The following SPPL3 variants were observed in gnomAD, a reference collection of about 807,000 sequenced individuals.
The protein encoded by SPPL3 is signal peptide peptidase-like 3.
A neutral mutation model predicts 42.4 loss-of-function variants in SPPL3; 5 were observed. The observed-to-expected ratio is 0.12, with a 90% CI of 0.06 to 0.25. The LOEUF (loss-of-function observed/expected upper bound fraction) is 0.25, where lower values mean the gene tolerates loss of function less well. Ranked by LOEUF, SPPL3 falls within the 10% of genes least tolerant of loss-of-function variation. SPPL3 has a pLI of 1.00. For synonymous variants in SPPL3, 195 were observed against 181.8 expected (o/e 1.07, Z -0.58); for missense variants, 235 against 489.0 (o/e 0.48, Z 4.90).
At chr12:120,766,106 A>G (rs753917981) in intron 10 of SPPL3, among the ~76,000 whole-genome samples, 157 bp downstream of exon 10, 3,242 of 37,074 alleles carry the variant, frequency 0.087, 58 homozygotes, top group Middle Eastern at 0.17. Flanking sequence ...GCGCGCACAC[A>G]CACACACACA....
intron 1 of SPPL3, among the ~76,000 whole-genome samples, chr12:120,832,463 G>C (rs545615094): frequency 4.8e-4 from 73 of 152,234 alleles, no homozygotes; most frequent in Non-Finnish European, 8.4e-4. Context: ...CCTGAGGTCG[G>C]GAGTTCAAGA....
At chr12:120,837,111 C>A (rs1173188045) in intron 1 of SPPL3, among the ~76,000 whole-genome samples, 1 of 152,100 alleles carries the variant, frequency 6.6e-6, no homozygotes, top group Non-Finnish European at 1.5e-5. Flanking sequence ...ATAACTGATA[C>A]AGAGCAGTAA....
At chr12:120,805,165 C>A (rs1179257221) in intron 2 of SPPL3, among the ~76,000 whole-genome samples, 1 of 152,070 alleles carries the variant, frequency 6.6e-6, no homozygotes, top group Admixed American at 6.6e-5. Flanking sequence ...GACGGCTGAA[C>A]AATTTTGTAA....
intron 1 of SPPL3, among the ~76,000 whole-genome samples, chr12:120,848,609 A>G (rs1196309192): frequency 6.6e-6 from 1 of 152,244 alleles, no homozygotes; most frequent in Admixed American, 6.5e-5. Context: ...AGTCATCTGC[A>G]TATTTTCGAT....
At chr12:120,867,543 T>C (rs769417133) in intron 1 of SPPL3, among the ~76,000 whole-genome samples, 2 of 151,872 alleles carry the variant, frequency 1.3e-5, no homozygotes, top group Non-Finnish European at 2.9e-5. Flanking sequence ...TACGTGCCTG[T>C]AGTCCCAGCT....
chr12:120,827,277 T>C (rs942783206), intron 1 of SPPL3, among the ~76,000 whole-genome samples: 1 of 150,902 alleles, frequency 6.6e-6, no homozygotes, highest in Non-Finnish European at 1.5e-5. Flanking sequence ...CAAAACTTAT[T>C]TGAAAGGCCT....
At chr12:120,802,738 T>C (rs1343470312) in intron 2 of SPPL3, among the ~76,000 whole-genome samples, 2 of 151,930 alleles carry the variant, frequency 1.3e-5, no homozygotes, top group Non-Finnish European at 2.9e-5. Context: ...CCTGGTCTGC[T>C]ACCAATATTT....
intron 1 of SPPL3, among the ~76,000 whole-genome samples, chr12:120,875,682 C>G (rs574798675): frequency 1.4e-5 from 2 of 148,082 alleles, no homozygotes; most frequent in East Asian, 2.0e-4. Context: ...TTTAAAAAGG[C>G]AGGAAAACAT....
intron 2 of SPPL3, among the ~76,000 whole-genome samples, chr12:120,797,120 T>C (rs1870124840): frequency 6.6e-6 from 1 of 152,156 alleles, no homozygotes; most frequent in Admixed American, 6.5e-5. Context: ...TGAGCCGAGA[T>C]TGTGCCACTG....
intron 2 of SPPL3, among the ~76,000 whole-genome samples, chr12:120,801,724 G>A (rs1192631584): frequency 1.3e-5 from 2 of 152,084 alleles, no homozygotes; most frequent in Non-Finnish European, 1.5e-5. Context: ...AGCTGCACAT[G>A]AGCTGTCTTA....
At chr12:120,823,996 A>G (rs1592980804) in intron 1 of SPPL3, among the ~76,000 whole-genome samples, 1 of 151,316 alleles carries the variant, frequency 6.6e-6, no homozygotes, top group Non-Finnish European at 1.5e-5. Flanking sequence ...TCAGCCTCCC[A>G]AGTAGCTGGG....
intron 1 of SPPL3, among the ~76,000 whole-genome samples, chr12:120,893,547 C>G (rs544572937): frequency 2.6e-5 from 4 of 152,086 alleles, no homozygotes; most frequent in African/African-American, 9.7e-5. Context: ...CCAGAAGATG[C>G]CTTTATTTCT....
intron 1 of SPPL3, among the ~76,000 whole-genome samples, chr12:120,859,302 T>A (rs11065298): frequency 0.19 from 29,595 of 152,016 alleles, 4,539 homozygotes; most frequent in African/African-American, 0.41. Context: ...GCTCAAAAAG[T>A]TCTGCATTTT....
chr12:120,765,170 T>A, intron 10 of SPPL3, 100 bp from the exon 11 acceptor site: 4 of 1,081,796 alleles, frequency 3.7e-6, no homozygotes, highest in South Asian at 1.6e-5. Context: ...AGGTATGAAG[T>A]CTTCCTATAT....
intron 1 of SPPL3, 133 bp from the exon 2 acceptor site, chr12:120,811,019 A>C: frequency 1.8e-6 from 1 of 555,476 alleles, no homozygotes; most frequent in Non-Finnish European, 3.2e-6. Flanking sequence ...ATAAATTAGC[A>C]TTAACAAAAT....
chr12:120,874,898 A>G (rs1001739082), intron 1 of SPPL3, among the ~76,000 whole-genome samples: 2 of 152,176 alleles, frequency 1.3e-5, no homozygotes, highest in Non-Finnish European at 2.9e-5. Flanking sequence ...GGGTCACAAA[A>G]GCCAATATAG....
At chr12:120,885,891 G>A (rs550388514) in intron 1 of SPPL3, among the ~76,000 whole-genome samples, 23 of 108,614 alleles carry the variant, frequency 2.1e-4, no homozygotes, top group African/African-American at 5.0e-4. Context: ...TTTTGCTCTT[G>A]TTGCCCAGGC....
intron 1 of SPPL3, among the ~76,000 whole-genome samples, chr12:120,886,995 A>G (rs993752698): frequency 4.8e-5 from 7 of 146,122 alleles, no homozygotes; most frequent in Non-Finnish European, 1.1e-4. Context: ...TTTTTTTTTG[A>G]GACAGAATTA....
intron 2 of SPPL3, among the ~76,000 whole-genome samples, chr12:120,802,394 T>C (rs918686178): frequency 2.6e-5 from 3 of 117,012 alleles, no homozygotes; most frequent in South Asian, 2.4e-4. Context: ...TATATACACA[T>C]ATATGTGTGT....
Sources: allele counts gnomAD v4.1 joint callset (sites outside exome capture counted in the v4.1 genomes callset), GRCh38; gene constraint gnomAD v4.1.1; transcripts MANE v1.5; gene names NCBI Gene and HGNC (gene_info 2026-07-23, HGNC 2026-07-21).